The following RANBP17 variants were observed in gnomAD, a reference collection of about 807,000 sequenced individuals.
The protein encoded by RANBP17 is ran-binding protein 17.
A neutral mutation model predicts 141.2 loss-of-function variants in RANBP17; 158 were observed. The observed-to-expected ratio is 1.12, with a 90% confidence interval of 0.98 to 1.28. The LOEUF is 1.28. Among genes scored for constraint, RANBP17 ranks in the 50% most tolerant of loss-of-function variants. The pLI is 0.00. For synonymous variants in RANBP17, 430 were observed against 450.0 expected (o/e 0.96, Z 0.56); for missense variants, 1,438 against 1,290.7 (o/e 1.11, Z -1.75).
intron 3 of RANBP17, among the ~76,000 whole-genome samples, chr5:170,882,279 A>C (rs974583602): frequency 1.3e-5 from 2 of 152,090 alleles, no homozygotes; most frequent in African/African-American, 4.8e-5. Context: ...ACAGGGTTTC[A>C]CCATGTTGGC....
At chr5:171,148,802 G>T (rs1231944439) in intron 14 of RANBP17, among the ~76,000 whole-genome samples, 5 of 152,122 alleles carry the variant, frequency 3.3e-5, no homozygotes, top group Admixed American at 3.3e-4. Context: ...AATGTGATTG[G>T]TGTGATATTA....
At position 171,206,012 on chromosome 5, in the gene RANBP17, C is replaced by A. The variant is rs773894032; in HGVS notation, c.2231+400C>A. 8.9e-6 allele frequency: 3 copies of A among 336,404 alleles called. No homozygotes were observed. In the East Asian group the frequency reaches 2.3e-4, roughly 26 times the overall value. 20.8% of individuals were successfully genotyped at this position (336,404 alleles called of 1,614,324 possible). Reference sequence around the variant, plus strand: ...ATCATTTTATCTCTTCAAGGCCTAACCCATCATGCCACAGTTTTTCATTAT... The same window carrying A: ...ATCATTTTATCTCTTCAAGGCCTAAACCATCATGCCACAGTTTTTCATTAT... On this transcript the variant is annotated intron_variant, in intron 20 of 27. Transcript: ENST00000523189.
Position 171,021,735 on chromosome 5 carries a change from A to G in RANBP17, c.1710+53358A>G, listed in dbSNP as rs559172202. On this transcript the variant is annotated intron_variant, in intron 14 of 27. Coordinates refer to ENST00000523189, the MANE Select transcript of RANBP17 (RefSeq NM_022897.5). ...GGAACATGCTCTTTTAGCTCAGCAT[A>G]GTTTTCTGTTACCCATCTTTTGAAG... is the stretch of plus-strand genomic sequence containing the variant. Among the ~76,000 whole-genome samples the G allele has an allele frequency of 8.5e-5, 13 of 152,236 alleles. No individual in the cohort carries two copies. In the South Asian group the frequency reaches 2.7e-3, roughly 32 times the overall value.
intron 25 of RANBP17, chr5:171,271,071 ATTTCTTTTTTTTTTTTTTTTTTTTT>A (rs1767075431): frequency 8.3e-5 from 2 of 24,198 alleles, no homozygotes; most frequent in Non-Finnish European, 1.5e-4. Flanking sequence ...TTTTTATGTT[ATTTCTTTTTTTTTTTTTTTTTTTTT>A]TTTTTTTTTT....
At chr5:171,234,961 G>A (rs978520707) in intron 22 of RANBP17, among the ~76,000 whole-genome samples, 2 of 152,172 alleles carry the variant, frequency 1.3e-5, no homozygotes, top group Admixed American at 6.5e-5. Context: ...TACAACTAGG[G>A]GTGAGTGTAA....
chr5:171,159,285 A>G (rs1189345206), intron 14 of RANBP17, among the ~76,000 whole-genome samples: 2 of 152,190 alleles, frequency 1.3e-5, no homozygotes, highest in African/African-American at 2.4e-5. Flanking sequence ...GTTGACTGAT[A>G]ATGCCAATAT....
At chr5:170,900,162 T>A (rs1333502448) in intron 5 of RANBP17, among the ~76,000 whole-genome samples, 4 of 152,152 alleles carry the variant, frequency 2.6e-5, no homozygotes, top group Non-Finnish European at 4.4e-5. Flanking sequence ...TTTTTTTTGG[T>A]TGGTAGGCTA....
chr5:171,171,328 C>A, intron 16 of RANBP17, 42 bp downstream of exon 16: 1 of 1,095,180 alleles, frequency 9.1e-7, no homozygotes, highest in East Asian at 2.4e-5. Flanking sequence ...TGTAAACAAC[C>A]TAGCAGATGC....
intron 12 of RANBP17, among the ~76,000 whole-genome samples, chr5:170,938,008 T>G (rs1252359413): frequency 6.6e-6 from 1 of 152,152 alleles, no homozygotes; most frequent in Non-Finnish European, 1.5e-5. Flanking sequence ...GTTTTTATTT[T>G]TCTTCCCACT....
intron 14 of RANBP17, among the ~76,000 whole-genome samples, chr5:171,009,002 T>C (rs1779850458): frequency 6.6e-6 from 1 of 152,258 alleles, no homozygotes; most frequent in Admixed American, 6.5e-5. Context: ...ATGGCATTAC[T>C]TATTTATTTG....
chr5:170,962,323 C>A (rs528211452), intron 13 of RANBP17, among the ~76,000 whole-genome samples: 1 of 152,178 alleles, frequency 6.6e-6, no homozygotes, highest in Admixed American at 6.5e-5. Flanking sequence ...GCCTCTTAGG[C>A]AAATGCAGAT....
chr5:171,155,094 A>AAAAAAAAAAAAAAAAAAAAAAAATAT (rs34090443), intron 14 of RANBP17, among the ~76,000 whole-genome samples: 1 of 74,988 alleles, frequency 1.3e-5, no homozygotes, highest in East Asian at 4.6e-4. Context: ...AAAAAAAAAA[A>AAAAAAAAAAAAAAAAAAAAAAAATAT]ATATATATAT....
At chr5:171,067,721 T>C (rs181237980) in intron 14 of RANBP17, among the ~76,000 whole-genome samples, 1 of 152,300 alleles carries the variant, frequency 6.6e-6, no homozygotes, top group Admixed American at 6.5e-5. Flanking sequence ...CACTGCCTTC[T>C]GACCTCCATG....
At chr5:171,265,218 C>A (rs1216530733) in intron 24 of RANBP17, among the ~76,000 whole-genome samples, 1 of 152,212 alleles carries the variant, frequency 6.6e-6, no homozygotes, top group Admixed American at 6.5e-5. Context: ...CTATAATAGA[C>A]ACTGGGTTCA....
chr5:170,936,182 G>C (rs1313840212), intron 12 of RANBP17, among the ~76,000 whole-genome samples: 1 of 152,120 alleles, frequency 6.6e-6, no homozygotes, highest in Non-Finnish European at 1.5e-5. Flanking sequence ...GATTTTCCAG[G>C]TGCCGTCTGT....
chr5:171,080,581 G>A (rs73321793), intron 14 of RANBP17, among the ~76,000 whole-genome samples: 1 of 152,284 alleles, frequency 6.6e-6, no homozygotes, highest in African/African-American at 2.4e-5. Flanking sequence ...AGTGGGAAGA[G>A]AACTGTTACA....
At chr5:170,975,448 C>A (rs1016418182) in intron 14 of RANBP17, among the ~76,000 whole-genome samples, 1 of 152,208 alleles carries the variant, frequency 6.6e-6, no homozygotes. Context: ...ATTGCATGAA[C>A]CTGGGAGGCA....
At chr5:171,251,997 A>G in intron 24 of RANBP17, 3 of 1,609,528 alleles carry the variant, frequency 1.9e-6, no homozygotes, top group East Asian at 2.2e-5. Flanking sequence ...TTTGTCGTCC[A>G]TTTCGGGAAA....
intron 14 of RANBP17, chr5:171,143,439 A>T (rs557095023): frequency 6.6e-6 from 1 of 152,284 alleles, no homozygotes; most frequent in Non-Finnish European, 1.5e-5. Flanking sequence ...TACTTTCTTT[A>T]TCACTTACTT....
Sources: gnomAD v4.1 joint callset for allele counts (sites outside exome capture counted in the v4.1 genomes callset) on GRCh38, gnomAD v4.1.1 for gene constraint, MANE v1.5 for transcripts, NCBI Gene and HGNC (gene_info 2026-07-23, HGNC 2026-07-21) for gene names.